Variants in TRAF2 observed in about 807,000 individuals in gnomAD.
The protein encoded by TRAF2 is TNF receptor associated factor 2.
TRAF2 carries 6 observed loss-of-function variants against 55.6 expected under a neutral mutation model. That is an observed-to-expected ratio of 0.11 (90% CI 0.06 to 0.21). The LOEUF is 0.21. Ranked by LOEUF, TRAF2 falls within the 10% of genes least tolerant of loss-of-function variation. TRAF2 has a pLI of 1.00. For synonymous variants in TRAF2, 329 were observed against 276.3 expected, an observed-to-expected ratio of 1.19 and a Z score of -1.89; for missense variants, 561 against 684.5, an observed-to-expected ratio of 0.82 and a Z score of 2.01.
At chr9:136,906,909 CT>C (rs1849967513) in intron 4 of TRAF2, among the ~76,000 whole-genome samples, 2 of 152,368 alleles carry the variant, frequency 1.3e-5, no homozygotes, top group African/African-American at 4.8e-5. Flanking sequence ...ACTGCTGCGG[CT>C]TCCCAACCTT....
intron 6 of TRAF2, among the ~76,000 whole-genome samples, chr9:136,910,721 G>A (rs1322409253): frequency 1.3e-5 from 2 of 152,240 alleles, no homozygotes; most frequent in Admixed American, 6.5e-5. Context: ...AGGCCTGCCC[G>A]CGGGCTCAGC....
At chr9:136,883,980 A>G (rs915145677), upstream of TRAF2, among the ~76,000 whole-genome samples, 1 of 151,812 alleles carries the variant, frequency 6.6e-6, no homozygotes, top group Admixed American at 6.6e-5. Context: ...GCGTACCACC[A>G]TGCCCAGCTA....
Position 136,926,194 on chromosome 9 carries a change from G to T in TRAF2, c.*293G>T. On this transcript the variant is annotated 3_prime_UTR_variant, in exon 11 of 11. Coordinates refer to ENST00000247668, the MANE Select transcript of TRAF2 (RefSeq NM_021138.4). ...CAGCACAAGCTGCCCTTGCTGTCCT[G>T]TGCAGTGAAGGGAGAGGCCCTGGGT... 1 of 545,468 alleles carries T rather than the reference G, an allele frequency of 1.8e-6. No homozygotes were observed. The highest frequency in any genetic ancestry group is 3.4e-6 in the Non-Finnish European group (1 of 290,540). The allele number at this position is 545,468 out of a possible 1,614,324, so 33.8% of individuals were successfully genotyped here. A position where few individuals can be genotyped will look rare whatever the true frequency, so the allele number is the denominator to read the frequency against.
chr9:136,925,820 C>G lies in TRAF2; in HGVS notation c.1425C>G (p.Val475=). 6.2e-7 allele frequency: 1 copy of G among 1,614,260 alleles called. No homozygotes were observed. The highest frequency in any genetic ancestry group is 8.5e-7 in the Non-Finnish European group (1 of 1,180,050). The stretch of plus-strand genomic sequence containing the variant: ...GCGGCTGCCCCCTCTTCTGCCCCGT[C>G]TCCAAGATGGAGGCAAAGAATTCCT... ...IASGCPLFCP[V]SKMEAKNSYV... Residue 475 remains valine, a synonymous_variant, in exon 11 of 11, where the codon GTC becomes GTG. Coordinates refer to ENST00000247668, the MANE Select transcript of TRAF2 (RefSeq NM_021138.4).
intron 4 of TRAF2, among the ~76,000 whole-genome samples, chr9:136,901,453 C>T (rs1245929072): frequency 3.3e-5 from 5 of 152,218 alleles, no homozygotes; most frequent in Non-Finnish European, 7.3e-5. Context: ...GATTCGGACA[C>T]ACACACCCCA....
rs1219304534 is a variant in TRAF2, at chr9:136,925,904, GC to G, written c.*8del. The G allele has an allele frequency of 6.2e-7, 1 of 1,613,978 alleles. No homozygotes were observed. The highest frequency in any genetic ancestry group is 1.1e-5 in the South Asian group (1 of 91,082). ...TTGTGGACCTGACAGGGCTCTAACT[GC>G]CCCCTACTGGTGTCTGGGGGTTGGG... On this transcript the variant is annotated 3_prime_UTR_variant, in exon 11 of 11. Coordinates refer to ENST00000247668, the MANE Select transcript of TRAF2 (RefSeq NM_021138.4).
At chr9:136,912,151 C>CTTTTTTTTT (rs1468376221) in intron 6 of TRAF2, among the ~76,000 whole-genome samples, 1 of 115,482 alleles carries the variant, frequency 8.7e-6, no homozygotes, top group African/African-American at 3.8e-5. Flanking sequence ...TGCGTCTGGC[C>CTTTTTTTTT]CTTTTTTTTT....
rs1347053685 is a variant in TRAF2 at position 136,904,054 on chromosome 9, C to CGCTGCCCCACAGGCCTACAT, written c.366+3543_366+3562dup. Among the ~76,000 whole-genome samples the CGCTGCCCCACAGGCCTACAT allele has an allele frequency of 8.2e-4, 125 of 152,314 alleles. No individual in the cohort carries two copies. The Middle Eastern group carries it at 0.01, about 12-fold the overall frequency. ...AGTGAGGCTGAGAGTAGAGGTGTGC[C>CGCTGCCCCACAGGCCTACAT]GCTGCCCCACAGGCCTACATGCTGC... On this transcript the variant is annotated intron_variant, in intron 4 of 10. Transcript: ENST00000247668.
chr9:136,900,415 T>TC lies in TRAF2; in HGVS notation c.268-3dup. ...AGGTTTAACCCGAGGGATATTCCTC[T>TC]CCCCAGGCCTTCCCAGATAATGCTG... is the stretch of plus-strand genomic sequence containing the variant. On this transcript the variant is annotated splice_region_variant and splice_polypyrimidine_tract_variant and intron_variant, in intron 3 of 10. Transcript: ENST00000247668. 6.3e-7 allele frequency: 1 copy of TC among 1,577,958 alleles called. No individual in the cohort carries two copies. Among genetic ancestry groups the TC allele is most frequent in the Non-Finnish European group, 8.6e-7 (1 of 1,160,208 alleles).
chr9:136,911,157 G>A (rs1031190728), intron 6 of TRAF2, among the ~76,000 whole-genome samples: 1 of 152,248 alleles, frequency 6.6e-6, no homozygotes, highest in East Asian at 1.9e-4. Context: ...AGTGAAAGAC[G>A]AAGACGGGCG....
In TRAF2 at chr9:136,886,594, T is replaced by C. The variant is rs1398593872; in HGVS notation, c.-29+53T>C. 8.5e-5 allele frequency: 77 copies of C among 905,450 alleles called. 1 individual carries two copies. The highest frequency in any genetic ancestry group is 2.9e-4 in the East Asian group (2 of 6,976). 56.1% of individuals were successfully genotyped at this position (905,450 alleles called of 1,614,324 possible). A position where few individuals can be genotyped will look rare whatever the true frequency, so the allele number is the denominator to read the frequency against. ...GGTCGGGCGCGGGCGCGGGGTCGGG[T>C]GCGGGGTCGGGCGCGGGGTCGGGCG... On this transcript the variant is annotated intron_variant, in intron 1 of 10. Transcript: ENST00000247668.
In TRAF2 at chr9:136,926,114, G is replaced by A; in HGVS notation, c.*213G>A. The A allele has an allele frequency of 1.3e-6, 1 of 753,386 alleles. No homozygotes were observed. Among genetic ancestry groups the A allele is most frequent in the Non-Finnish European group, 2.4e-6 (1 of 419,618 alleles). The allele number at this position is 753,386 out of a possible 1,614,324, so 46.7% of individuals were successfully genotyped here. On this transcript the variant is annotated 3_prime_UTR_variant, in exon 11 of 11. Coordinates refer to ENST00000247668, the MANE Select transcript of TRAF2 (RefSeq NM_021138.4). ...TCAGAGACTGCGGAGGGGCTTGGCA[G>A]ACGGTCTTAGCCAAGGGCTGTGGTG...
chr9:136,912,549 A>G (rs1428934676), intron 6 of TRAF2, among the ~76,000 whole-genome samples: 4 of 152,280 alleles, frequency 2.6e-5, no homozygotes, highest in Non-Finnish European at 5.9e-5. Flanking sequence ...GTTTAAAATT[A>G]AAAATACCTA....
Position 136,898,753 on chromosome 9 carries a change from A to G in TRAF2, c.13A>G (p.Ser5Gly). ...GGTCACAGCTCTCATGGCTGCAGCT[A>G]GCGTGACCCCCCCTGGCTCCCTGGA... MAAA[S>G]VTPPGSLELL... The change falls in exon 2 of 11, where the codon AGC (serine) becomes GGC (glycine). Residue 5 changes from serine (S) to glycine (G), a missense_variant. This residue lies in a region of TRAF2 where 426 missense variants were observed against 476.8 expected (regional missense o/e 0.89). Coordinates refer to ENST00000247668, the MANE Select transcript of TRAF2 (RefSeq NM_021138.4). 1 of 1,613,436 alleles carries G rather than the reference A, an allele frequency of 6.2e-7. No homozygotes were observed. Among genetic ancestry groups the G allele is most frequent in the Non-Finnish European group, 8.5e-7 (1 of 1,179,994 alleles).
At position 136,926,368 on chromosome 9, in the gene TRAF2, C is replaced by T. The variant is rs1024027584; in HGVS notation, c.*467C>T. 2 of 337,992 alleles carry T rather than the reference C, an allele frequency of 5.9e-6. No individual in the cohort carries two copies. Among genetic ancestry groups the T allele is most frequent in the Non-Finnish European group, 1.2e-5 (2 of 171,058 alleles). The allele number at this position is 337,992 out of a possible 1,614,324, so 20.9% of individuals were successfully genotyped here. On this transcript the variant is annotated 3_prime_UTR_variant, in exon 11 of 11. Transcript: ENST00000247668. ...GCTGGCCAGAGCAAGGAAGGCTGAGCAGCTTGGTTCTCCCCTCTGGCCCCT... is the reference window on the plus strand; with the variant it reads ...GCTGGCCAGAGCAAGGAAGGCTGAGTAGCTTGGTTCTCCCCTCTGGCCCCT...
intron 1 of TRAF2, among the ~76,000 whole-genome samples, chr9:136,893,644 T>C (rs867162821): frequency 6.6e-6 from 1 of 152,180 alleles, no homozygotes; most frequent in Non-Finnish European, 1.5e-5. Flanking sequence ...CAAGGAAACT[T>C]TGGGGAATGT....
At chr9:136,924,966 T>C (rs906026181) in intron 10 of TRAF2, among the ~76,000 whole-genome samples, 3 of 152,242 alleles carry the variant, frequency 2.0e-5, no homozygotes, top group Non-Finnish European at 4.4e-5. Flanking sequence ...CTTGATCTCC[T>C]GACCTTGTGA....
At chr9:136,885,153 A>G (rs191514859), upstream of TRAF2, among the ~76,000 whole-genome samples, 5 of 152,332 alleles carry the variant, frequency 3.3e-5, no homozygotes, top group African/African-American at 9.6e-5. Context: ...CAAGTAACAT[A>G]TATGAAATGT....
intron 7 of TRAF2, 39 bp downstream of exon 7, chr9:136,916,654 C>A (rs755230998): frequency 2.1e-5 from 33 of 1,598,168 alleles, no homozygotes; most frequent in Non-Finnish European, 2.8e-5. Context: ...CACCCCTCAT[C>A]CTGGGTGTGG....
Sources: allele counts gnomAD v4.1 joint callset (sites outside exome capture counted in the v4.1 genomes callset), GRCh38; gene constraint gnomAD v4.1.1; regional missense constraint gnomAD v4.1.1; transcripts MANE v1.5; gene names NCBI Gene and HGNC (gene_info 2026-07-23, HGNC 2026-07-21).